Variants in P4HA1 observed in about 807,000 individuals in gnomAD.
P4HA1 encodes prolyl 4-hydroxylase subunit alpha 1, also known as prolyl 4-hydroxylase subunit alpha-1.
P4HA1 carries 24 observed loss-of-function variants against 72.8 expected under a neutral mutation model. That is an observed-to-expected ratio of 0.33 (90% confidence interval 0.24 to 0.46). The LOEUF (loss-of-function observed/expected upper bound fraction) is 0.46. Among genes scored for constraint, P4HA1 ranks in the 20% least tolerant of loss-of-function variants. P4HA1 has a pLI of 1.00. For missense variants in P4HA1, 446 were observed against 640.6 expected (o/e 0.70, Z 3.28); for synonymous variants, 201 against 218.8 (o/e 0.92, Z 0.72).
chr10:73,068,769 T>C (rs1841483103), intron 5 of P4HA1, 77 bp downstream of exon 5: 2 of 1,174,110 alleles, frequency 1.7e-6, no homozygotes. Flanking sequence ...AAGTCTTTTT[T>C]ATACTAACAT....
chr10:73,020,138 T>C (rs899274559), intron 10 of P4HA1, among the ~76,000 whole-genome samples: 1 of 151,978 alleles, frequency 6.6e-6, no homozygotes, highest in African/African-American at 2.4e-5. Flanking sequence ...TAAAGAATTC[T>C]AGAAACAGCA....
At chr10:73,008,940 C>T (rs1839852426) in intron 14 of P4HA1, among the ~76,000 whole-genome samples, 1 of 152,004 alleles carries the variant, frequency 6.6e-6, no homozygotes, top group South Asian at 2.1e-4. Context: ...ATTCATCAAA[C>T]CCTGACAATT....
intron 10 of P4HA1, among the ~76,000 whole-genome samples, chr10:73,028,518 A>G (rs1264714064): frequency 3.3e-5 from 5 of 151,624 alleles, no homozygotes; most frequent in African/African-American, 7.3e-5. Flanking sequence ...CGCAACCTCC[A>G]CCTCCTGGGT....
chr10:73,085,400 T>TG (rs1841905807), intron 1 of P4HA1, among the ~76,000 whole-genome samples: 1 of 152,148 alleles, frequency 6.6e-6, no homozygotes, highest in South Asian at 2.1e-4. Context: ...TTTTTTTTTT[T>TG]GAGACAGAGT....
chr10:73,059,520 G>T lies in P4HA1; in HGVS notation c.464-5930C>A, dbSNP rs375572051. 1.9e-4 allele frequency among the ~76,000 whole-genome samples: 29 copies of T among 148,850 alleles called. No individual in the cohort carries two copies. In the East Asian group the frequency reaches 2.6e-3, roughly 13 times the overall value. On this transcript the variant is annotated intron_variant, in intron 5 of 14. Coordinates refer to ENST00000394890, the MANE Select transcript of P4HA1 (RefSeq NM_001017962.3). ...GCACTTTGGGAGGCCAAGGCAGGTG[G>T]ATCATGAGGTCAGGAGATCGAGACC... is the stretch of plus-strand genomic sequence containing the variant.
At position 73,008,217 on chromosome 10, in the gene P4HA1, G is replaced by A. The variant is rs764961163; in HGVS notation, c.*5C>T. The A allele has an allele frequency of 1.6e-5, 25 of 1,586,840 alleles. 1 individual carries two copies. The South Asian group carries it at 2.7e-4, about 17-fold the overall frequency. ...AACAATAGGAGAAAAAGGGAAGCCT[G>A]TTTGTCATTCCAATTCTGACAACGT... On this transcript the variant is annotated 3_prime_UTR_variant, in exon 15 of 15. Transcript: ENST00000394890.
intron 10 of P4HA1, among the ~76,000 whole-genome samples, chr10:73,026,721 G>A (rs1211354039): frequency 2.0e-5 from 3 of 151,976 alleles, no homozygotes; most frequent in Admixed American, 6.6e-5. Context: ...ACAAATGGCT[G>A]ATATCCAGAT....
In P4HA1 at chr10:73,025,801, C is replaced by A. The variant is rs531187268; in HGVS notation, c.1248+4470G>T. Among the ~76,000 whole-genome samples, 13 of 152,316 alleles carry A rather than the reference C, an allele frequency of 8.5e-5. No individual in the cohort carries two copies. In the East Asian group the frequency reaches 2.5e-3, roughly 29 times the overall value. ...AAAATCAATGTGCAAAAATCACAAGCATTCCTATATACCAATAACAGACAG... is the reference window on the plus strand; with the variant it reads ...AAAATCAATGTGCAAAAATCACAAGAATTCCTATATACCAATAACAGACAG... On this transcript the variant is annotated intron_variant, in intron 10 of 14. Coordinates refer to ENST00000394890, the MANE Select transcript of P4HA1 (RefSeq NM_001017962.3).
Position 73,033,113 on chromosome 10 carries a change from T to C in P4HA1, c.1149-2743A>G, listed in dbSNP as rs552626312. Among the ~76,000 whole-genome samples, 6 of 152,352 alleles carry C rather than the reference T, an allele frequency of 3.9e-5. 1 individual carries two copies. The highest frequency in any genetic ancestry group is 2.0e-4 in the Admixed American group (3 of 15,302). On this transcript the variant is annotated intron_variant, in intron 9 of 14. Coordinates refer to ENST00000394890, the MANE Select transcript of P4HA1 (RefSeq NM_001017962.3). ...GTAGAACTAATCTGGTATATGTCAA[T>C]GTACCTGTCTTTCCTGCCTAGCACA...
At chr10:73,084,903 G>A (rs956075894) in intron 1 of P4HA1, among the ~76,000 whole-genome samples, 2 of 152,152 alleles carry the variant, frequency 1.3e-5, no homozygotes, top group African/African-American at 4.8e-5. Flanking sequence ...ACTTTGGGAG[G>A]CCAAGATGGA....
intron 10 of P4HA1, among the ~76,000 whole-genome samples, chr10:73,022,837 T>C (rs889286104): frequency 1.3e-5 from 2 of 152,116 alleles, no homozygotes; most frequent in African/African-American, 2.4e-5. Context: ...CATAAGAACG[T>C]CATGGTGCAT....
intron 9 of P4HA1, among the ~76,000 whole-genome samples, chr10:73,037,166 T>C (rs1450072828): frequency 6.6e-6 from 1 of 152,150 alleles, no homozygotes; most frequent in Non-Finnish European, 1.5e-5. Context: ...TAACTTTATA[T>C]GTGTCCTTTT....
intron 5 of P4HA1, among the ~76,000 whole-genome samples, chr10:73,060,938 C>T: frequency 6.6e-6 from 1 of 152,128 alleles, no homozygotes; most frequent in East Asian, 1.9e-4. Context: ...CTTACCCTGC[C>T]TTTCCTATAT....
chr10:73,021,947 C>T (rs568291549), intron 10 of P4HA1, among the ~76,000 whole-genome samples: 12 of 152,290 alleles, frequency 7.9e-5, no homozygotes, highest in African/African-American at 2.6e-4. Flanking sequence ...GAGGGGTGTC[C>T]ACCATTGCTG....
intron 1 of P4HA1, among the ~76,000 whole-genome samples, chr10:73,091,058 CT>C (rs1842018456): frequency 1.2e-5 from 1 of 82,530 alleles, no homozygotes; most frequent in African/African-American, 5.7e-5. Context: ...GAGAGTCCAT[CT>C]CAAAAAAAAA....
intron 5 of P4HA1, among the ~76,000 whole-genome samples, chr10:73,061,584 T>C (rs1053785968): frequency 1.3e-5 from 2 of 152,138 alleles, no homozygotes; most frequent in Non-Finnish European, 2.9e-5. Flanking sequence ...AGCAGGGAGA[T>C]AGTAAGTGGT....
intron 1 of P4HA1, among the ~76,000 whole-genome samples, chr10:73,081,128 A>C (rs1237342835): frequency 6.6e-6 from 1 of 152,230 alleles, no homozygotes; most frequent in Admixed American, 6.5e-5. Context: ...CTTGAAAAAG[A>C]AATTAATGGG....
chr10:73,036,066 T>A (rs1441632039), intron 9 of P4HA1, among the ~76,000 whole-genome samples: 1 of 151,250 alleles, frequency 6.6e-6, no homozygotes, highest in Non-Finnish European at 1.5e-5. Context: ...TGCACACCTG[T>A]AACTTCAGCT....
chr10:73,010,935 A>T, intron 13 of P4HA1, 34 bp downstream of exon 13: 5 of 1,546,888 alleles, frequency 3.2e-6, no homozygotes, highest in Non-Finnish European at 4.5e-6. Context: ...TAGGGAAAAA[A>T]TTAATAAACC....
Sources: gnomAD v4.1 joint callset for allele counts (sites outside exome capture counted in the v4.1 genomes callset) on GRCh38, gnomAD v4.1.1 for gene constraint, MANE v1.5 for transcripts, NCBI Gene and HGNC (gene_info 2026-07-23, HGNC 2026-07-21) for gene names.